Variants in HACE1 observed in about 807,000 individuals in gnomAD.
HACE1 encodes HECT domain and ankyrin repeat containing E3 ubiquitin protein ligase 1.
In HACE1, 73 loss-of-function variants were observed where a neutral mutation model predicts 118.4. The ratio of observed to expected loss-of-function variants is 0.62; its 90% CI spans 0.51 to 0.75. HACE1 has a LOEUF of 0.75. Ranked by LOEUF, HACE1 falls within the 30% of genes least tolerant of loss-of-function variation. The pLI, the probability that HACE1 is intolerant of heterozygous loss-of-function variation, is 0.00. For missense variants in HACE1, 749 were observed against 1,102.2 expected, an observed-to-expected ratio of 0.68 and a Z score of 4.54; for synonymous variants, 368 against 374.8, an observed-to-expected ratio of 0.98 and a Z score of 0.21.
At position 104,846,304 on chromosome 6, in the gene HACE1, T is replaced by G. The variant is rs137863013; in HGVS notation, c.326+2838A>C. The stretch of plus-strand genomic sequence containing the variant: ...TACCCTTTATGAGCTCATAATCACC[T>G]AAAAAATAAAGAAAAACTCTTCTTT... On this transcript the variant is annotated intron_variant, in intron 4 of 23. Transcript: ENST00000262903. Among the ~76,000 whole-genome samples the G allele has an allele frequency of 3.7e-4, 56 of 152,274 alleles. 1 individual carries two copies. In the East Asian group the frequency reaches 0.011, roughly 29 times the overall value.
At chr6:104,781,303 G>A (rs1489512014) in intron 14 of HACE1, among the ~76,000 whole-genome samples, 9 of 152,050 alleles carry the variant, frequency 5.9e-5, no homozygotes, top group African/African-American at 1.9e-4. Flanking sequence ...GCTGTCTTCC[G>A]AGTCATGTTA....
In HACE1 at chr6:104,774,080, CTTTTTTTTTTTTTTT is replaced by C. The variant is rs540039211; in HGVS notation, c.1865-2021_1865-2007del. ...CAAAAAATAGGTTATCATCTTTTCTCTTTTTTTTTTTTTTTTTTTTTTTTTTTGAGACGGAGTCTC... is the reference window on the plus strand; with the variant it reads ...CAAAAAATAGGTTATCATCTTTTCTCTTTTTTTTTTTTGAGACGGAGTCTC... On this transcript the variant is annotated intron_variant, in intron 17 of 23. Transcript: ENST00000262903. Among the ~76,000 whole-genome samples the C allele has an allele frequency of 9.7e-3, 724 of 74,858 alleles. 68 individuals are homozygous for C. The highest frequency in any genetic ancestry group is 0.011 in the Non-Finnish European group (469 of 43,326). The allele number at this position is 74,858 out of a possible 152,430, so 49.1% of individuals were successfully genotyped here.
At chr6:104,855,223 T>C (rs1390886425) in intron 1 of HACE1, among the ~76,000 whole-genome samples, 1 of 152,120 alleles carries the variant, frequency 6.6e-6, no homozygotes, top group Non-Finnish European at 1.5e-5. Flanking sequence ...GTCAGGCAGA[T>C]CACAAGGTCA....
intron 9 of HACE1, among the ~76,000 whole-genome samples, 182 bp downstream of exon 9, chr6:104,796,473 T>C (rs9386430): frequency 1.3e-5 from 2 of 152,268 alleles, no homozygotes; most frequent in South Asian, 2.1e-4. Context: ...TGGCCAAATA[T>C]TAGCAAAAAC....
chr6:104,770,555 C>T (rs963197988), intron 19 of HACE1, among the ~76,000 whole-genome samples: 2 of 151,952 alleles, frequency 1.3e-5, no homozygotes, highest in Admixed American at 6.6e-5. Flanking sequence ...CCCGTCTCTA[C>T]TAAAAATACA....
intron 1 of HACE1, among the ~76,000 whole-genome samples, chr6:104,853,361 G>A (rs1448000425): frequency 6.6e-6 from 1 of 152,140 alleles, no homozygotes; most frequent in African/African-American, 2.4e-5. Context: ...ACAAAAACAT[G>A]ACCCAAAAGG....
intron 5 of HACE1, among the ~76,000 whole-genome samples, chr6:104,841,279 C>T (rs995204094): frequency 6.6e-6 from 1 of 152,062 alleles, no homozygotes; most frequent in Non-Finnish European, 1.5e-5. Context: ...TTTATTTTTA[C>T]AAATTTTCTA....
intron 6 of HACE1, among the ~76,000 whole-genome samples, chr6:104,830,135 G>A (rs1208535712): frequency 1.3e-5 from 2 of 152,140 alleles, no homozygotes; most frequent in Admixed American, 6.5e-5. Flanking sequence ...CTTAGTAAAT[G>A]ACACTCTGCT....
At chr6:104,849,370 T>C (rs1369867052) in intron 3 of HACE1, 124 bp from the exon 4 acceptor site, 1 of 722,772 alleles carries the variant, frequency 1.4e-6, no homozygotes, top group South Asian at 1.5e-5. Flanking sequence ...ACAGTCTTGC[T>C]CTGTCGCCCA....
At chr6:104,854,290 T>C (rs969701727) in intron 1 of HACE1, among the ~76,000 whole-genome samples, 2 of 152,304 alleles carry the variant, frequency 1.3e-5, no homozygotes, top group African/African-American at 4.8e-5. Context: ...GTATCCTGAA[T>C]TGGATCCGTA....
intron 22 of HACE1, chr6:104,731,175 A>C (rs1272164542): frequency 6.6e-6 from 1 of 151,680 alleles, no homozygotes; most frequent in African/African-American, 2.4e-5. Flanking sequence ...TTGCCCGTGT[A>C]TCATATCATG....
chr6:104,810,797 T>C (rs1428711183), intron 7 of HACE1, among the ~76,000 whole-genome samples: 2 of 152,008 alleles, frequency 1.3e-5, no homozygotes, highest in East Asian at 3.9e-4. Context: ...ACTTAATGTA[T>C]AACAATATCT....
At chr6:104,803,554 C>T (rs111633322) in intron 7 of HACE1, among the ~76,000 whole-genome samples, 5,134 of 152,156 alleles carry the variant, frequency 0.034, 271 homozygotes, top group African/African-American at 0.12. Context: ...GCAAGGCTGG[C>T]TCAACATATG....
chr6:104,796,596 T>C (rs984511399), intron 9 of HACE1, 59 bp downstream of exon 9: 7 of 866,550 alleles, frequency 8.1e-6, no homozygotes, highest in South Asian at 1.4e-5. Context: ...TAAAATGTCA[T>C]ATATGCTGAG....
At position 104,774,080 on chromosome 6, in the gene HACE1, C is replaced by CT. The variant is rs540039211; in HGVS notation, c.1865-2007dup. Among the ~76,000 whole-genome samples the CT allele has an allele frequency of 8.7e-3, 651 of 74,860 alleles. 28 individuals are homozygous for CT. The highest frequency in any genetic ancestry group is 0.011 in the Non-Finnish European group (468 of 43,326). The allele number at this position is 74,860 out of a possible 152,430, so 49.1% of individuals were successfully genotyped here. On this transcript the variant is annotated intron_variant, in intron 17 of 23. Coordinates refer to ENST00000262903, the MANE Select transcript of HACE1 (RefSeq NM_020771.4). ...CAAAAAATAGGTTATCATCTTTTCT[C>CT]TTTTTTTTTTTTTTTTTTTTTTTTT...
At chr6:104,742,411 A>T (rs2114493363) in intron 22 of HACE1, among the ~76,000 whole-genome samples, 1 of 150,354 alleles carries the variant, frequency 6.7e-6, no homozygotes, top group East Asian at 1.9e-4. Flanking sequence ...CAACCTACTC[A>T]TCTGACAAAG....
chr6:104,732,626 C>T (rs1418118816), intron 22 of HACE1, among the ~76,000 whole-genome samples: 1 of 152,066 alleles, frequency 6.6e-6, no homozygotes, highest in Non-Finnish European at 1.5e-5. Flanking sequence ...GTGATAGTCA[C>T]ACATTAATGT....
At chr6:104,734,584 T>C (rs757422416) in intron 22 of HACE1, among the ~76,000 whole-genome samples, 1 of 152,050 alleles carries the variant, frequency 6.6e-6, no homozygotes, top group East Asian at 1.9e-4. Flanking sequence ...GAAAGGTGAA[T>C]TCTTCAATCC....
intron 6 of HACE1, among the ~76,000 whole-genome samples, chr6:104,816,378 C>T (rs1772118688): frequency 1.3e-5 from 2 of 152,234 alleles, no homozygotes; most frequent in Non-Finnish European, 2.9e-5. Context: ...CTCTGTGTCC[C>T]AGATGCTCCA....
Sources: allele counts gnomAD v4.1 joint callset (sites outside exome capture counted in the v4.1 genomes callset), GRCh38; gene constraint gnomAD v4.1.1; transcripts MANE v1.5; gene names NCBI Gene and HGNC (gene_info 2026-07-23, HGNC 2026-07-21).